The following CLSTN2 variants were observed in gnomAD, a reference collection of about 807,000 sequenced individuals.
The protein encoded by CLSTN2 is calsyntenin-2.
A neutral mutation model predicts 101.2 loss-of-function variants in CLSTN2; 48 were observed. That is an observed-to-expected ratio of 0.47 (90% CI 0.38 to 0.60). CLSTN2 has a LOEUF of 0.60. CLSTN2 is among the 20% of genes least tolerant of loss of function. The pLI, the probability that CLSTN2 is intolerant of heterozygous loss-of-function variation, is 0.00. For missense variants in CLSTN2, 1,160 were observed against 1,238.2 expected, an observed-to-expected ratio of 0.94 and a Z score of 0.95; for synonymous variants, 481 against 463.6, an observed-to-expected ratio of 1.04 and a Z score of -0.48.
chr3:140,296,229 T>C (rs1432073424), intron 2 of CLSTN2, among the ~76,000 whole-genome samples: 4 of 152,218 alleles, frequency 2.6e-5, no homozygotes, highest in African/African-American at 9.6e-5. Context: ...ACATATTTAT[T>C]CTTGAAGATG....
intron 2 of CLSTN2, among the ~76,000 whole-genome samples, chr3:140,383,600 A>G (rs2088016304): frequency 6.6e-6 from 1 of 152,192 alleles, no homozygotes; most frequent in Non-Finnish European, 1.5e-5. Context: ...CTTACTGGGG[A>G]TAGTATAAAC....
intron 8 of CLSTN2, among the ~76,000 whole-genome samples, chr3:140,488,314 T>C (rs1411841966): frequency 6.6e-6 from 1 of 152,204 alleles, no homozygotes; most frequent in Non-Finnish European, 1.5e-5. Context: ...CTTTGGAGTT[T>C]CTCAGATCTG....
intron 2 of CLSTN2, among the ~76,000 whole-genome samples, chr3:140,221,351 G>A (rs1238807341): frequency 6.6e-6 from 1 of 152,126 alleles, no homozygotes; most frequent in African/African-American, 2.4e-5. Context: ...ATGGGGTGTT[G>A]CCCTCAACTT....
At chr3:140,502,203 A>T (rs1336120096) in intron 8 of CLSTN2, among the ~76,000 whole-genome samples, 2 of 152,124 alleles carry the variant, frequency 1.3e-5, no homozygotes, top group African/African-American at 4.8e-5. Flanking sequence ...TGTCTCAGAG[A>T]CTCAGAAGGG....
At chr3:139,958,183 G>T (rs573514315) in intron 1 of CLSTN2, among the ~76,000 whole-genome samples, 7 of 152,208 alleles carry the variant, frequency 4.6e-5, no homozygotes, top group African/African-American at 1.7e-4. Flanking sequence ...TTTGTGGCCT[G>T]GATACATTGT....
intron 1 of CLSTN2, among the ~76,000 whole-genome samples, chr3:140,157,409 A>G (rs760312620): frequency 6.6e-6 from 1 of 152,158 alleles, no homozygotes; most frequent in Non-Finnish European, 1.5e-5. Flanking sequence ...TACTGATCCA[A>G]TTTTGGAACT....
At chr3:139,976,862 G>C (rs1178799164) in intron 1 of CLSTN2, among the ~76,000 whole-genome samples, 1 of 152,112 alleles carries the variant, frequency 6.6e-6, no homozygotes, top group Non-Finnish European at 1.5e-5. Context: ...ATGTGTGTTG[G>C]CAAGAGACCT....
intron 1 of CLSTN2, among the ~76,000 whole-genome samples, chr3:140,044,506 T>C (rs890812950): frequency 4.6e-5 from 7 of 152,208 alleles, no homozygotes; most frequent in African/African-American, 1.2e-4. Flanking sequence ...CTTTTCCTAA[T>C]TGAATACCCT....
At chr3:140,290,926 C>T (rs147198277) in intron 2 of CLSTN2, among the ~76,000 whole-genome samples, 102 of 152,240 alleles carry the variant, frequency 6.7e-4, no homozygotes, top group African/African-American at 2.4e-3. Flanking sequence ...TCCTTTAACA[C>T]CCCTCTCTCC....
intron 1 of CLSTN2, among the ~76,000 whole-genome samples, chr3:140,002,184 C>T (rs143911079): frequency 4.2e-4 from 64 of 152,194 alleles, no homozygotes; most frequent in African/African-American, 1.5e-3. Context: ...ACATTCCCAC[C>T]AACAGTGTAC....
In CLSTN2 at chr3:140,241,826, C is replaced by T. The variant is rs1576480782; in HGVS notation, c.232+65753C>T. Among the ~76,000 whole-genome samples the T allele has an allele frequency of 3.4e-5, 5 of 146,858 alleles. No homozygotes were observed. The South Asian group carries it at 8.6e-4, about 25-fold the overall frequency. The stretch of plus-strand genomic sequence containing the variant: ...ATATATATACACATATATATATATA[C>T]ACACACATATATATATACATATATA... On this transcript the variant is annotated intron_variant, in intron 2 of 16. Coordinates refer to ENST00000458420, the MANE Select transcript of CLSTN2 (RefSeq NM_022131.3).
intron 1 of CLSTN2, among the ~76,000 whole-genome samples, chr3:140,047,872 C>T (rs114282743): frequency 0.01 from 1,554 of 152,326 alleles, 26 homozygotes; most frequent in African/African-American, 0.034. Flanking sequence ...CCTCTCAATG[C>T]TGCCACAATA....
chr3:140,493,520 C>T (rs1157086670), intron 8 of CLSTN2, among the ~76,000 whole-genome samples: 2 of 152,134 alleles, frequency 1.3e-5, no homozygotes, highest in African/African-American at 4.8e-5. Context: ...TGAGTAGCAC[C>T]TACTGTGTAT....
intron 1 of CLSTN2, among the ~76,000 whole-genome samples, chr3:140,072,907 C>T (rs927491339): frequency 3.3e-5 from 5 of 152,208 alleles, no homozygotes; most frequent in African/African-American, 9.6e-5. Context: ...CAGACTGCTA[C>T]GGAGATTGTT....
In CLSTN2 at chr3:140,497,209, C is replaced by T. The variant is rs189172828; in HGVS notation, c.1344+30478C>T. ...GATAGCTTGGACTCTCCAGAGCCAG[C>T]AGGCTGGAAAAGCTGAGTTGACTGA... On this transcript the variant is annotated intron_variant, in intron 8 of 16. Transcript: ENST00000458420. 3.5e-4 allele frequency among the ~76,000 whole-genome samples: 53 copies of T among 152,144 alleles called. 1 individual carries two copies. Among genetic ancestry groups the T allele is most frequent in the African/African-American group, 1.1e-3 (45 of 41,464 alleles).
chr3:140,162,914 T>C (rs1391100223), intron 1 of CLSTN2, among the ~76,000 whole-genome samples: 1 of 152,222 alleles, frequency 6.6e-6, no homozygotes, highest in Non-Finnish European at 1.5e-5. Context: ...AGAACAAAGT[T>C]GGTAGCATAA....
In CLSTN2 at chr3:140,501,243, C is replaced by A. The variant is rs34199096; in HGVS notation, c.1345-31081C>A. Among the ~76,000 whole-genome samples the A allele has an allele frequency of 7.2e-3, 1,102 of 152,268 alleles. 13 individuals are homozygous for A. Among genetic ancestry groups the A allele is most frequent in the African/African-American group, 0.023 (964 of 41,544 alleles). ...GAAATTCCATCGCTTCCTCATTAAG[C>A]TAAGGGATAAAAAAGATTCAGTTCA... is the stretch of plus-strand genomic sequence containing the variant. On this transcript the variant is annotated intron_variant, in intron 8 of 16. Transcript: ENST00000458420.
At chr3:140,031,289 C>T (rs2007542196) in intron 1 of CLSTN2, among the ~76,000 whole-genome samples, 1 of 152,108 alleles carries the variant, frequency 6.6e-6, no homozygotes, top group Non-Finnish European at 1.5e-5. Flanking sequence ...ATTTTTGGTT[C>T]TTTGTTAGTG....
chr3:140,470,646 C>A (rs1009427437), intron 8 of CLSTN2, among the ~76,000 whole-genome samples: 7 of 152,150 alleles, frequency 4.6e-5, no homozygotes, highest in African/African-American at 1.7e-4. Flanking sequence ...GGCGCTTTAT[C>A]CCCAAAGGAA....
Sources: gnomAD v4.1 joint callset for allele counts (sites outside exome capture counted in the v4.1 genomes callset) on GRCh38, gnomAD v4.1.1 for gene constraint, MANE v1.5 for transcripts, NCBI Gene and HGNC (gene_info 2026-07-23, HGNC 2026-07-21) for gene names.